MED27: variants seen among roughly 807,000 people sequenced by gnomAD.
MED27 encodes the protein mediator of RNA polymerase II transcription subunit 27.
In MED27, 30 loss-of-function variants were observed where a neutral mutation model predicts 38.2. The ratio of observed to expected loss-of-function variants is 0.79; its 90% confidence interval spans 0.59 to 1.07. The LOEUF (loss-of-function observed/expected upper bound fraction) is 1.07, where lower values mean the gene tolerates loss of function less well. MED27 is among the 50% of genes least tolerant of loss of function. The probability of loss-of-function intolerance (pLI) is 0.00; values close to 1 mark genes in which losing one functional copy is unlikely to be tolerated. For missense variants in MED27, 289 were observed against 397.5 expected (o/e 0.73, Z 2.32); for synonymous variants, 122 against 153.5 (o/e 0.79, Z 1.52).
chr9:131,994,856 T>C (rs1252215482), intron 3 of MED27, among the ~76,000 whole-genome samples: 1 of 152,120 alleles, frequency 6.6e-6, no homozygotes, highest in Non-Finnish European at 1.5e-5. Flanking sequence ...GGGGGAATCC[T>C]ACACGAGCAT....
At chr9:132,039,666 G>A (rs1190771345) in intron 2 of MED27, among the ~76,000 whole-genome samples, 1 of 147,578 alleles carries the variant, frequency 6.8e-6, no homozygotes. Flanking sequence ...AAAGGAGAGT[G>A]AGTGAACACC....
rs78919457 is a variant in MED27, at chr9:131,913,994, G to A, written c.574-20002C>T. On this transcript the variant is annotated intron_variant, in intron 4 of 7. Coordinates refer to ENST00000292035, the MANE Select transcript of MED27 (RefSeq NM_004269.4). The surrounding 1 kb of genome is among the most constrained non-coding windows in gnomAD (Gnocchi z 4.5). Reference sequence around the variant, plus strand: ...TAACAGAACGCTTCCTTTGTGCCAGGTGCAGTTCTAAGACTTGGAAATATG... The same window carrying A: ...TAACAGAACGCTTCCTTTGTGCCAGATGCAGTTCTAAGACTTGGAAATATG... 0.012 allele frequency among the ~76,000 whole-genome samples: 1,757 copies of A among 152,306 alleles called. 33 individuals are homozygous for A. Among genetic ancestry groups the A allele is most frequent in the African/African-American group, 0.04 (1,654 of 41,550 alleles).
intron 2 of MED27, among the ~76,000 whole-genome samples, chr9:132,029,082 T>G (rs1832891874): frequency 6.6e-6 from 1 of 152,206 alleles, no homozygotes; most frequent in Admixed American, 6.5e-5. Flanking sequence ...GATTCAGCAC[T>G]GTACTTCCAG....
chr9:132,054,047 T>A (rs1483211959), intron 2 of MED27, among the ~76,000 whole-genome samples: 1 of 151,832 alleles, frequency 6.6e-6, no homozygotes. Context: ...CTAAAGATAA[T>A]ATGGGAGTGT....
intron 2 of MED27, among the ~76,000 whole-genome samples, chr9:132,018,880 G>A (rs1832660507): frequency 6.6e-6 from 1 of 151,694 alleles, no homozygotes; most frequent in South Asian, 2.1e-4. Context: ...GGAAAAAAGA[G>A]CTCTCCTGGA....
Position 132,072,666 on chromosome 9 carries a change from G to T in MED27, c.348+4776C>A, listed in dbSNP as rs182893280. Among the ~76,000 whole-genome samples the T allele has an allele frequency of 8.0e-4, 122 of 152,122 alleles. 1 individual carries two copies. Among genetic ancestry groups the T allele is most frequent in the African/African-American group, 2.9e-3 (120 of 41,442 alleles). Reference sequence around the variant, plus strand: ...TAGCAAGTTCATTTTGAGTGATGGGGTGCTACGAAGGTTAGATTTAGGTGA... The same window carrying T: ...TAGCAAGTTCATTTTGAGTGATGGGTTGCTACGAAGGTTAGATTTAGGTGA... On this transcript the variant is annotated intron_variant, in intron 2 of 7. Transcript: ENST00000292035.
At chr9:131,901,107 G>A (rs1829938849) in intron 4 of MED27, among the ~76,000 whole-genome samples, 3 of 138,128 alleles carry the variant, frequency 2.2e-5, no homozygotes, top group Non-Finnish European at 4.7e-5. Context: ...GAGGGAGGGG[G>A]GAAGGAGGGG....
rs1838645438 is a variant in MED27 at position 131,861,146 on chromosome 9, A to G, written c.802-474T>C. The stretch of plus-strand genomic sequence containing the variant: ...GTCAACATGCCTTCTAGCTAATCTG[A>G]TTTCAGAGGTTGTCACTCATTGTCA... On this transcript the variant is annotated intron_variant, in intron 7 of 7. Coordinates refer to ENST00000292035, the MANE Select transcript of MED27 (RefSeq NM_004269.4). This position sits in a 1 kb window ranked among gnomAD's most constrained non-coding sequence, Gnocchi z 4.4. 6.6e-6 allele frequency among the ~76,000 whole-genome samples: 1 copy of G among 151,806 alleles called. No individual in the cohort carries two copies. Among genetic ancestry groups the G allele is most frequent in the Non-Finnish European group, 1.5e-5 (1 of 68,000 alleles).
At chr9:131,880,455 G>C (rs1839016768) in intron 6 of MED27, among the ~76,000 whole-genome samples, 1 of 152,162 alleles carries the variant, frequency 6.6e-6, no homozygotes, top group Non-Finnish European at 1.5e-5. Flanking sequence ...CCCAATTGTG[G>C]TTCTTTAATC....
intron 3 of MED27, among the ~76,000 whole-genome samples, chr9:132,000,918 T>C (rs550044645): frequency 6.6e-5 from 10 of 151,822 alleles, no homozygotes; most frequent in African/African-American, 2.2e-4. Flanking sequence ...CAAACCAGTA[T>C]ATGCTAGGCC....
chr9:132,079,504 G>A (rs2131178993), intron 1 of MED27, 138 bp downstream of exon 1: 2 of 775,826 alleles, frequency 2.6e-6, no homozygotes, highest in South Asian at 1.7e-5. Context: ...GACAGGCAGA[G>A]GCTTGGAGAA....
At chr9:131,974,870 C>T (rs924103526) in intron 3 of MED27, among the ~76,000 whole-genome samples, 1 of 152,176 alleles carries the variant, frequency 6.6e-6, no homozygotes, top group Admixed American at 6.5e-5. Context: ...CTGTCACTTC[C>T]TCAGTGTTTT....
intron 2 of MED27, among the ~76,000 whole-genome samples, chr9:132,039,539 A>G (rs561924541): frequency 6.6e-6 from 1 of 152,298 alleles, no homozygotes; most frequent in Admixed American, 6.5e-5. Context: ...CGAGGTACTG[A>G]GCGAAAAGAA....
chr9:132,038,439 G>T (rs371284077), intron 2 of MED27, among the ~76,000 whole-genome samples: 120 of 151,454 alleles, frequency 7.9e-4, no homozygotes, highest in African/African-American at 2.5e-3. Context: ...TGATCCGCCC[G>T]CCTCGGCCTC....
chr9:131,973,534 T>C (rs528848248), intron 3 of MED27, among the ~76,000 whole-genome samples: 1 of 141,690 alleles, frequency 7.1e-6, no homozygotes, highest in East Asian at 2.3e-4. Context: ...CTCGGCTCAC[T>C]ACAACCTCCG....
intron 2 of MED27, among the ~76,000 whole-genome samples, chr9:132,075,908 T>C: frequency 6.6e-6 from 1 of 152,130 alleles, no homozygotes; most frequent in East Asian, 1.9e-4. Context: ...ACTCCCTCTC[T>C]CCCAACTCCA....
intron 2 of MED27, among the ~76,000 whole-genome samples, chr9:132,055,724 G>A (rs765008986): frequency 6.6e-6 from 1 of 152,122 alleles, no homozygotes; most frequent in Non-Finnish European, 1.5e-5. Flanking sequence ...CCGTTCACTG[G>A]AACCAAGAAA....
chr9:131,881,818 T>TTTTTTTG (rs1839051187), intron 6 of MED27, among the ~76,000 whole-genome samples: 1 of 141,370 alleles, frequency 7.1e-6, no homozygotes. Context: ...TTTTTTTTTT[T>TTTTTTTG]TTTTTTGATG....
chr9:131,943,799 G>A (rs1166956663), intron 3 of MED27, among the ~76,000 whole-genome samples: 1 of 152,174 alleles, frequency 6.6e-6, no homozygotes, highest in Non-Finnish European at 1.5e-5. Context: ...CGAAAATGGA[G>A]AGCTGCTTGG....
Sources: allele counts gnomAD v4.1 joint callset (sites outside exome capture counted in the v4.1 genomes callset), GRCh38; gene constraint gnomAD v4.1.1; non-coding constraint Gnocchi (gnomAD v3.1); transcripts MANE v1.5; gene names NCBI Gene and HGNC (gene_info 2026-07-23, HGNC 2026-07-21).